Variants in DPP6 observed in about 807,000 individuals in gnomAD.
DPP6 encodes dipeptidyl peptidase like 6, also known as A-type potassium channel modulatory protein DPP6.
In DPP6, 69 loss-of-function variants were observed where a neutral mutation model predicts 122.6. The observed-to-expected ratio is 0.56, with a 90% CI of 0.46 to 0.69. The LOEUF is 0.69. Ranked by LOEUF, DPP6 falls within the 30% of genes least tolerant of loss-of-function variation. The pLI is 0.00. For synonymous variants in DPP6, 418 were observed against 433.1 expected, an observed-to-expected ratio of 0.97 and a Z score of 0.43; for missense variants, 928 against 1,116.9, an observed-to-expected ratio of 0.83 and a Z score of 2.41.
At position 154,863,910 on chromosome 7, in the gene DPP6, A is replaced by G. The variant is rs1197866990; in HGVS notation, c.1715-4085A>G. ...CTGGGCCTGAATCTGGTCTTCGAAT[A>G]TGACTAATGGCCTAGCCCTGGGGTA... On this transcript the variant is annotated intron_variant, in intron 17 of 25. Transcript: ENST00000377770. The surrounding 1 kb of genome is among the most constrained non-coding windows in gnomAD (Gnocchi z 4.1). 6.6e-6 allele frequency among the ~76,000 whole-genome samples: 1 copy of G among 152,176 alleles called. No homozygotes were observed. The highest frequency in any genetic ancestry group is 1.5e-5 in the Non-Finnish European group (1 of 68,034).
chr7:154,716,798 T>A (rs1434508225), intron 7 of DPP6, among the ~76,000 whole-genome samples: 1 of 150,890 alleles, frequency 6.6e-6, no homozygotes, highest in Non-Finnish European at 1.5e-5. Context: ...ACTTATTTAA[T>A]GTGGTACAGT....
intron 1 of DPP6, among the ~76,000 whole-genome samples, chr7:153,965,254 G>A (rs900145423): frequency 6.6e-6 from 1 of 152,006 alleles, no homozygotes; most frequent in Non-Finnish European, 1.5e-5. Flanking sequence ...TTGAGAATGG[G>A]TTGCCAGTTT....
intron 1 of DPP6, among the ~76,000 whole-genome samples, chr7:154,264,496 T>C (rs1367909202): frequency 6.6e-6 from 1 of 152,166 alleles, no homozygotes; most frequent in Non-Finnish European, 1.5e-5. Context: ...AAAAAATGGG[T>C]AATAACAATG....
At chr7:154,613,423 C>T (rs1265199623) in intron 5 of DPP6, among the ~76,000 whole-genome samples, 2 of 151,710 alleles carry the variant, frequency 1.3e-5, no homozygotes, top group African/African-American at 2.4e-5. Flanking sequence ...AGTTTGAAAC[C>T]AGCCTGACCA....
intron 1 of DPP6, among the ~76,000 whole-genome samples, chr7:154,254,368 G>A (rs995928029): frequency 6.6e-6 from 1 of 152,168 alleles, no homozygotes; most frequent in Non-Finnish European, 1.5e-5. Flanking sequence ...CATAGTAGGT[G>A]TAATTAGAGG....
chr7:154,171,975 C>A (rs1161536960), intron 1 of DPP6, among the ~76,000 whole-genome samples: 1 of 152,146 alleles, frequency 6.6e-6, no homozygotes, highest in Non-Finnish European at 1.5e-5. Context: ...GTATTACTCT[C>A]CTGTTACAGA....
intron 1 of DPP6, among the ~76,000 whole-genome samples, chr7:154,267,078 A>C (rs2150926133): frequency 6.6e-6 from 1 of 152,180 alleles, no homozygotes; most frequent in Non-Finnish European, 1.5e-5. Flanking sequence ...TTGAAAGCAA[A>C]AGCAGATGTT....
Position 154,446,223 on chromosome 7 carries a change from G to A in DPP6, c.253G>A (p.Gly85Arg). The change falls in exon 2 of 26, where the codon GGG becomes AGG. Residue 85 changes from glycine to arginine, a missense_variant. Transcript: ENST00000377770. Reference protein sequence around the residue: ...SDGDEEDELVGSNPPQRNWKG... With the variant: ...SDGDEEDELVRSNPPQRNWKG... ...TTGTTGCTGTTTTTAGGAGCTGGTG[G>A]GGAGTAACCCTCCGCAGAGGAATTG... The A allele has an allele frequency of 6.3e-7, 1 of 1,598,108 alleles. No homozygotes were observed. Among genetic ancestry groups the A allele is most frequent in the East Asian group, 2.3e-5 (1 of 44,130 alleles).
chr7:154,836,878 T>C (rs758976966), intron 16 of DPP6, among the ~76,000 whole-genome samples: 10 of 152,180 alleles, frequency 6.6e-5, no homozygotes, highest in Non-Finnish European at 1.5e-4. Context: ...AGCTAATTTT[T>C]GTATTTTTAG....
chr7:154,166,778 G>T (rs1240724063), intron 1 of DPP6, among the ~76,000 whole-genome samples: 8 of 148,894 alleles, frequency 5.4e-5, no homozygotes, highest in African/African-American at 1.8e-4. Context: ...AGGCATGGTG[G>T]CTGGTGCCTG....
At chr7:153,808,882 TC>T in the DPP6 span, among the ~76,000 whole-genome samples, 1 of 152,186 alleles carries the variant, frequency 6.6e-6, no homozygotes, top group East Asian at 1.9e-4. Flanking sequence ...GATAATGATT[TC>T]ATTTTATTTT....
intron 1 of DPP6, among the ~76,000 whole-genome samples, chr7:154,278,204 C>G (rs1351839254): frequency 6.6e-6 from 1 of 152,120 alleles, no homozygotes; most frequent in Non-Finnish European, 1.5e-5. Context: ...AGAGGAGTCC[C>G]GACTCCATGC....
chr7:154,650,339 A>G (rs930435701), intron 6 of DPP6, among the ~76,000 whole-genome samples: 22 of 151,038 alleles, frequency 1.5e-4, no homozygotes, highest in African/African-American at 4.9e-4. Flanking sequence ...AGGAGAGGAA[A>G]GGAGTGGAGA....
At position 154,739,798 on chromosome 7, in the gene DPP6, A is replaced by G. The variant is rs79944147; in HGVS notation, c.883+11911A>G. Reference sequence around the variant, plus strand: ...CTGTGAAGTGATGAATGCAGTTCCCAATGCACAGCCCTCAAACTGCATGGG... The same window carrying G: ...CTGTGAAGTGATGAATGCAGTTCCCGATGCACAGCCCTCAAACTGCATGGG... On this transcript the variant is annotated intron_variant, in intron 8 of 25. Coordinates refer to ENST00000377770, the MANE Select transcript of DPP6 (RefSeq NM_130797.4). 3.8e-3 allele frequency among the ~76,000 whole-genome samples: 578 copies of G among 152,294 alleles called. 19 individuals carry two copies. The East Asian group carries it at 0.089, about 24-fold the overall frequency.
intron 6 of DPP6, among the ~76,000 whole-genome samples, chr7:154,664,260 A>G (rs954764049): frequency 4.6e-5 from 7 of 152,246 alleles, no homozygotes; most frequent in Non-Finnish European, 1.0e-4. Flanking sequence ...GTGAATCACC[A>G]TGGCGTATTG....
At chr7:153,875,532 T>C in the DPP6 span, among the ~76,000 whole-genome samples, 1 of 152,100 alleles carries the variant, frequency 6.6e-6, no homozygotes, top group African/African-American at 2.4e-5. Context: ...GACAGGACTT[T>C]GTTAAATAAT....
intron 3 of DPP6, among the ~76,000 whole-genome samples, chr7:154,525,929 A>G (rs557048860): frequency 1.3e-5 from 2 of 152,292 alleles, no homozygotes; most frequent in African/African-American, 4.8e-5. Context: ...GATATGCTAA[A>G]GGGCTGTGTG....
chr7:154,158,597 T>C (rs3115180), intron 1 of DPP6, among the ~76,000 whole-genome samples: 1 of 152,028 alleles, frequency 6.6e-6, no homozygotes, highest in Non-Finnish European at 1.5e-5. Context: ...TAATTTTAAA[T>C]GTTTATTCAT....
chr7:153,878,157 A>G, the DPP6 span, among the ~76,000 whole-genome samples: 1 of 152,210 alleles, frequency 6.6e-6, no homozygotes, highest in Non-Finnish European at 1.5e-5. Context: ...CAGGTCACTC[A>G]CATCCTACTT....
Sources: allele counts gnomAD v4.1 joint callset (sites outside exome capture counted in the v4.1 genomes callset), GRCh38; gene constraint gnomAD v4.1.1; non-coding constraint Gnocchi (gnomAD v3.1); transcripts MANE v1.5; gene names NCBI Gene and HGNC (gene_info 2026-07-23, HGNC 2026-07-21).